NALF1: variants seen among roughly 807,000 people sequenced by gnomAD.
NALF1 encodes the protein family with sequence similarity 155 member A.
In NALF1, 3 loss-of-function variants were observed where a neutral mutation model predicts 48.4. That is an observed-to-expected ratio of 0.06 (90% confidence interval 0.03 to 0.16). The LOEUF (loss-of-function observed/expected upper bound fraction) is 0.16, where lower values mean the gene tolerates loss of function less well. Ranked by LOEUF, NALF1 falls within the 10% of genes least tolerant of loss-of-function variation. The pLI is 1.00. For synonymous variants in NALF1, 262 were observed against 245.7 expected, an observed-to-expected ratio of 1.07 and a Z score of -0.62; for missense variants, 526 against 571.5, an observed-to-expected ratio of 0.92 and a Z score of 0.81.
At chr13:107,231,766 G>A (rs1370652184) in intron 1 of NALF1, among the ~76,000 whole-genome samples, 5 of 152,164 alleles carry the variant, frequency 3.3e-5, no homozygotes, top group Admixed American at 3.3e-4. Context: ...CCCTGGCAGG[G>A]CCACAGAATA....
intron 1 of NALF1, among the ~76,000 whole-genome samples, chr13:107,271,814 A>ATATATATATATATT (rs1374366280): frequency 7.6e-4 from 78 of 102,450 alleles, no homozygotes; most frequent in Middle Eastern, 4.6e-3. Context: ...ATATATATAT[A>ATATATATATATATT]TATTTATATA....
intron 1 of NALF1, among the ~76,000 whole-genome samples, chr13:107,467,123 C>T (rs1885016776): frequency 6.6e-6 from 1 of 152,074 alleles, no homozygotes; most frequent in African/African-American, 2.4e-5. Context: ...GTTAATTCAA[C>T]ATATTCTTGA....
At chr13:107,183,964 T>C (rs1879120239) in intron 2 of NALF1, among the ~76,000 whole-genome samples, 1 of 151,470 alleles carries the variant, frequency 6.6e-6, no homozygotes, top group African/African-American at 2.4e-5. Context: ...ATATTTTCTA[T>C]TTTCTTTTTC....
chr13:107,782,536 C>T (rs1453019363), intron 1 of NALF1, among the ~76,000 whole-genome samples: 1 of 151,374 alleles, frequency 6.6e-6, no homozygotes, highest in African/African-American at 2.4e-5. Context: ...GTTAGGAGCC[C>T]CTCTGCCTGG....
chr13:107,412,902 A>T (rs1403735511), intron 1 of NALF1, among the ~76,000 whole-genome samples: 1 of 152,192 alleles, frequency 6.6e-6, no homozygotes, highest in Non-Finnish European at 1.5e-5. Context: ...ATAGCAAAAT[A>T]AATATGATTT....
intron 1 of NALF1, among the ~76,000 whole-genome samples, chr13:107,419,063 G>A (rs555078181): frequency 1.1e-4 from 17 of 152,148 alleles, no homozygotes; most frequent in African/African-American, 3.9e-4. Flanking sequence ...CAGCATCAGT[G>A]AAGTTTCTTG....
intron 1 of NALF1, among the ~76,000 whole-genome samples, chr13:107,638,851 G>A: frequency 6.6e-6 from 1 of 152,118 alleles, no homozygotes; most frequent in East Asian, 1.9e-4. Context: ...TAGTGAGGCT[G>A]GAGAACAGTG....
intron 1 of NALF1, among the ~76,000 whole-genome samples, chr13:107,710,814 T>C (rs906784726): frequency 1.7e-5 from 1 of 57,466 alleles, no homozygotes; most frequent in African/African-American, 5.2e-5. Context: ...TACATATATG[T>C]GTATATATAC....
At chr13:107,818,775 G>C (rs1229277139) in intron 1 of NALF1, among the ~76,000 whole-genome samples, 1 of 142,630 alleles carries the variant, frequency 7.0e-6, no homozygotes, top group Non-Finnish European at 1.5e-5. Context: ...GGGAGGCTGA[G>C]GCAGGAGAAT....
intron 1 of NALF1, among the ~76,000 whole-genome samples, chr13:107,758,352 C>A (rs537896582): frequency 2.6e-5 from 4 of 152,120 alleles, no homozygotes; most frequent in Non-Finnish European, 4.4e-5. Context: ...AGCTATAAAA[C>A]AATTCATTTT....
At chr13:107,717,355 C>G (rs538888791) in intron 1 of NALF1, among the ~76,000 whole-genome samples, 1 of 152,270 alleles carries the variant, frequency 6.6e-6, no homozygotes, top group South Asian at 2.1e-4. Flanking sequence ...AATGCAAATT[C>G]TGAAGTCCCA....
At chr13:107,787,995 A>C (rs9555408) in intron 1 of NALF1, among the ~76,000 whole-genome samples, 17,512 of 152,118 alleles carry the variant, frequency 0.12, 1,515 homozygotes, top group Admixed American at 0.25. Context: ...TGTCCCTTGA[A>C]TCTCTCAAAG....
chr13:107,773,987 T>A (rs1256349573), intron 1 of NALF1, among the ~76,000 whole-genome samples: 1 of 149,646 alleles, frequency 6.7e-6, no homozygotes, highest in Admixed American at 6.8e-5. Context: ...ATTTCCCCCT[T>A]AAATGATCAA....
At chr13:107,732,184 C>T (rs536883106) in intron 1 of NALF1, among the ~76,000 whole-genome samples, 8 of 152,016 alleles carry the variant, frequency 5.3e-5, no homozygotes, top group Non-Finnish European at 8.8e-5. Context: ...CTAATACTTA[C>T]TATATATACT....
chr13:107,572,843 C>G (rs1435866534), intron 1 of NALF1, among the ~76,000 whole-genome samples: 1 of 152,116 alleles, frequency 6.6e-6, no homozygotes, highest in Non-Finnish European at 1.5e-5. Flanking sequence ...ACAAGAGATA[C>G]TTTTCTTTTA....
At chr13:107,486,030 G>C (rs905085119) in intron 1 of NALF1, among the ~76,000 whole-genome samples, 6 of 152,280 alleles carry the variant, frequency 3.9e-5, no homozygotes, top group Admixed American at 1.3e-4. Flanking sequence ...CCATACATTT[G>C]TGAAATTGTT....
chr13:107,754,286 G>C (rs1042215088), intron 1 of NALF1, among the ~76,000 whole-genome samples: 4 of 150,650 alleles, frequency 2.7e-5, no homozygotes, highest in African/African-American at 7.3e-5. Flanking sequence ...GATTTTAGTG[G>C]TCCATTAAAT....
intron 1 of NALF1, among the ~76,000 whole-genome samples, chr13:107,676,745 C>T (rs1286406211): frequency 6.6e-6 from 1 of 152,086 alleles, no homozygotes; most frequent in Non-Finnish European, 1.5e-5. Context: ...CCACATTTGA[C>T]ATTTGAATGC....
At chr13:107,580,590 T>C (rs1233497515) in intron 1 of NALF1, among the ~76,000 whole-genome samples, 6 of 152,168 alleles carry the variant, frequency 3.9e-5, no homozygotes, top group African/African-American at 1.4e-4. Flanking sequence ...TTTCGGTATG[T>C]CAGATTTTTG....
Sources: allele counts gnomAD v4.1 joint callset (sites outside exome capture counted in the v4.1 genomes callset), GRCh38; gene constraint gnomAD v4.1.1; transcripts MANE v1.5; gene names NCBI Gene and HGNC (gene_info 2026-07-23, HGNC 2026-07-21).